Variants in SLC49A4 observed in about 807,000 individuals in gnomAD.
SLC49A4 encodes solute carrier family 49 member 4.
SLC49A4 carries 36 observed loss-of-function variants against 50.6 expected under a neutral mutation model. That is an observed-to-expected ratio of 0.71 (90% CI 0.55 to 0.94). SLC49A4 has a LOEUF of 0.94. Among genes scored for constraint, SLC49A4 ranks in the 40% least tolerant of loss-of-function variants. The probability of loss-of-function intolerance (pLI) is 0.00; values close to 1 mark genes in which losing one functional copy is unlikely to be tolerated. For synonymous variants in SLC49A4, 248 were observed against 241.2 expected (o/e 1.03, Z -0.26); for missense variants, 503 against 605.7 (o/e 0.83, Z 1.78).
intron 4 of SLC49A4, among the ~76,000 whole-genome samples, chr3:122,834,846 C>G (rs1936656511): frequency 1.3e-5 from 2 of 151,914 alleles, no homozygotes; most frequent in Admixed American, 6.6e-5. Context: ...CAGTTAAGCT[C>G]AATTAAAAAT....
intron 1 of SLC49A4, among the ~76,000 whole-genome samples, chr3:122,800,730 T>C (rs1001973445): frequency 6.6e-6 from 1 of 152,090 alleles, no homozygotes; most frequent in Non-Finnish European, 1.5e-5. Flanking sequence ...GAAGATAGAG[T>C]ATACACATAA....
At chr3:122,842,665 GAA>G (rs1046997704) in intron 4 of SLC49A4, among the ~76,000 whole-genome samples, 5 of 152,104 alleles carry the variant, frequency 3.3e-5, no homozygotes, top group African/African-American at 7.2e-5. Context: ...TTCTGACAAG[GAA>G]AAACAGTTAA....
At chr3:122,811,688 T>C (rs1341751993) in intron 2 of SLC49A4, among the ~76,000 whole-genome samples, 1 of 152,158 alleles carries the variant, frequency 6.6e-6, no homozygotes, top group Non-Finnish European at 1.5e-5. Flanking sequence ...GAGAACTGAT[T>C]AGGATGCAGT....
At chr3:122,854,097 A>G (rs945147282) in intron 5 of SLC49A4, among the ~76,000 whole-genome samples, 21 of 152,198 alleles carry the variant, frequency 1.4e-4, no homozygotes, top group Non-Finnish European at 2.5e-4. Context: ...GATAGAAGGA[A>G]GTGTTTGTGG....
chr3:122,878,866 G>C (rs112425178), intron 8 of SLC49A4, among the ~76,000 whole-genome samples: 4 of 151,982 alleles, frequency 2.6e-5, no homozygotes, highest in Admixed American at 1.3e-4. Context: ...GATGATTTTC[G>C]TATTTGTCTT....
chr3:122,796,781 G>A (rs1327713894), intron 1 of SLC49A4, among the ~76,000 whole-genome samples: 3 of 152,216 alleles, frequency 2.0e-5, no homozygotes, highest in Non-Finnish European at 4.4e-5. Flanking sequence ...ACGTTGGGAG[G>A]CTGGGGTGGG....
chr3:122,827,554 TC>T (rs1250127317), intron 3 of SLC49A4, among the ~76,000 whole-genome samples: 3 of 152,378 alleles, frequency 2.0e-5, no homozygotes, highest in Admixed American at 6.5e-5. Context: ...TAGTCTGTTA[TC>T]AGGGATACTG....
At chr3:122,850,021 A>G (rs1429915854) in intron 5 of SLC49A4, among the ~76,000 whole-genome samples, 1 of 152,122 alleles carries the variant, frequency 6.6e-6, no homozygotes, top group African/African-American at 2.4e-5. Context: ...GCCAGCACTC[A>G]TTTAATTTTA....
intron 1 of SLC49A4, among the ~76,000 whole-genome samples, chr3:122,796,851 C>T (rs1936050057): frequency 6.6e-6 from 1 of 152,162 alleles, no homozygotes; most frequent in African/African-American, 2.4e-5. Flanking sequence ...CCACTGCACT[C>T]TGCCCTGGTC....
At position 122,845,845 on chromosome 3, in the gene SLC49A4, ATT is replaced by A; in HGVS notation, c.919_920del (p.Leu307AsnfsTer88). The A allele has an allele frequency of 6.2e-7, 1 of 1,612,358 alleles. No homozygotes were observed. On this transcript the variant is annotated frameshift_variant, in exon 5 of 9. Coordinates refer to ENST00000261038, the MANE Select transcript of SLC49A4 (RefSeq NM_032839.3). LOFTEE classifies it high-confidence loss of function. ...FAGWSGVLDL[I>X]LTPAHVSQVD... ...TGGCTGGTCTGGAGTTCTGGACTTA[ATT>A]TTAACACCAGCGCATGTCAGCCAAG... is the stretch of plus-strand genomic sequence containing the variant.
chr3:122,845,976 C>A, intron 5 of SLC49A4, 105 bp downstream of exon 5: 1 of 610,130 alleles, frequency 1.6e-6, no homozygotes, highest in South Asian at 3.9e-5. Flanking sequence ...GGTAAAACAT[C>A]GTCCTATACC....
chr3:122,814,675 G>A (rs1250648780), intron 2 of SLC49A4, among the ~76,000 whole-genome samples: 1 of 152,220 alleles, frequency 6.6e-6, no homozygotes, highest in Non-Finnish European at 1.5e-5. Context: ...AAACAAGCTT[G>A]TCCAATCTGT....
intron 2 of SLC49A4, among the ~76,000 whole-genome samples, chr3:122,817,068 A>G (rs148806681): frequency 4.7e-4 from 72 of 152,330 alleles, no homozygotes; most frequent in African/African-American, 1.6e-3. Flanking sequence ...ATGTCATATA[A>G]TGTGTCAAAA....
In SLC49A4 at chr3:122,811,020, C is replaced by T. The variant is rs144273850; in HGVS notation, c.437+4070C>T. 1.9e-4 allele frequency among the ~76,000 whole-genome samples: 29 copies of T among 152,248 alleles called. No individual in the cohort carries two copies. In the East Asian group the frequency reaches 5.6e-3, roughly 29 times the overall value. On this transcript the variant is annotated intron_variant, in intron 2 of 8. Transcript: ENST00000261038. ...TTACAGAATCTGAGGGTGGAGAGGA[C>T]CTTCCAATTAAGACACAAGTCCCAG...
At chr3:122,857,884 TC>T (rs1937008209) in intron 6 of SLC49A4, among the ~76,000 whole-genome samples, 1 of 152,172 alleles carries the variant, frequency 6.6e-6, no homozygotes, top group East Asian at 1.9e-4. Context: ...GTCATTATTT[TC>T]CTTCTATACC....
chr3:122,825,056 C>G (rs1338273072), intron 2 of SLC49A4, among the ~76,000 whole-genome samples: 1 of 152,062 alleles, frequency 6.6e-6, no homozygotes, highest in African/African-American at 2.4e-5. Flanking sequence ...TCTTATCAGT[C>G]TTTTTGTTTG....
At chr3:122,857,644 A>G (rs1003638575) in intron 6 of SLC49A4, among the ~76,000 whole-genome samples, 2 of 152,212 alleles carry the variant, frequency 1.3e-5, no homozygotes, top group African/African-American at 4.8e-5. Context: ...TTAGGAAAAT[A>G]TAAGAAAACT....
chr3:122,855,048 G>A (rs1166574928), intron 5 of SLC49A4, among the ~76,000 whole-genome samples: 5 of 151,712 alleles, frequency 3.3e-5, no homozygotes, highest in African/African-American at 7.3e-5. Context: ...AGCCGAGATC[G>A]TGCCACTGCA....
chr3:122,843,706 G>A (rs1346110244), intron 4 of SLC49A4, among the ~76,000 whole-genome samples: 1 of 152,104 alleles, frequency 6.6e-6, no homozygotes, highest in African/African-American at 2.4e-5. Flanking sequence ...GGATTTTGTT[G>A]ATTTCCTCAT....
Sources: allele counts gnomAD v4.1 joint callset (sites outside exome capture counted in the v4.1 genomes callset), GRCh38; gene constraint gnomAD v4.1.1; transcripts MANE v1.5; gene names NCBI Gene and HGNC (gene_info 2026-07-23, HGNC 2026-07-21).